Variants in CALN1 observed in about 807,000 individuals in gnomAD.
CALN1 encodes the protein calneuron 1, also known as calcium-binding protein 8.
A neutral mutation model predicts 30.6 loss-of-function variants in CALN1; 17 were observed. The ratio of observed to expected loss-of-function variants is 0.56; its 90% CI spans 0.38 to 0.83. The LOEUF is 0.83. Ranked by LOEUF, CALN1 falls within the 40% of genes least tolerant of loss-of-function variation. CALN1 has a pLI of 0.00. For synonymous variants in CALN1, 156 were observed against 131.4 expected (o/e 1.19, Z -1.28); for missense variants, 291 against 354.9 (o/e 0.82, Z 1.45).
At chr7:72,121,874 A>C (rs1808420786) in intron 3 of CALN1, among the ~76,000 whole-genome samples, 1 of 147,426 alleles carries the variant, frequency 6.8e-6, no homozygotes, top group South Asian at 2.1e-4. Flanking sequence ...ATTATATATT[A>C]ATTATAAATT....
At chr7:72,305,242 G>C (rs957277714) in intron 2 of CALN1, among the ~76,000 whole-genome samples, 1 of 152,210 alleles carries the variant, frequency 6.6e-6, no homozygotes, top group African/African-American at 2.4e-5. Context: ...CGCTCCTGCT[G>C]GAAGAAATCC....
At chr7:71,801,975 C>T (rs577123096) in intron 6 of CALN1, among the ~76,000 whole-genome samples, 1 of 150,458 alleles carries the variant, frequency 6.6e-6, no homozygotes, top group East Asian at 1.9e-4. Context: ...AAGACTGTGT[C>T]CAAAAAAAAA....
intron 2 of CALN1, among the ~76,000 whole-genome samples, chr7:72,364,497 TAAGGA>T (rs1014474666): frequency 1.3e-5 from 2 of 152,202 alleles, no homozygotes; most frequent in Admixed American, 6.5e-5. Flanking sequence ...GGAAGCTTCA[TAAGGA>T]AAGGAGTTTT....
chr7:72,504,023 G>GA, the CALN1 span, among the ~76,000 whole-genome samples: 3 of 152,216 alleles, frequency 2.0e-5, no homozygotes, highest in Non-Finnish European at 2.9e-5. Context: ...GGGAGAGAGA[G>GA]GAAAATAACG....
intron 4 of CALN1, among the ~76,000 whole-genome samples, chr7:72,095,374 T>C (rs931607189): frequency 6.6e-6 from 1 of 152,180 alleles, no homozygotes; most frequent in African/African-American, 2.4e-5. Context: ...TATCATTAAT[T>C]ACCCAGTTAA....
intron 1 of CALN1, among the ~76,000 whole-genome samples, chr7:72,405,779 A>T (rs1806654818): frequency 6.6e-6 from 1 of 152,170 alleles, no homozygotes; most frequent in Non-Finnish European, 1.5e-5. Flanking sequence ...AGTCCCCAGC[A>T]CCATGGAAGT....
intron 2 of CALN1, among the ~76,000 whole-genome samples, chr7:72,313,716 A>G (rs1411481388): frequency 6.7e-6 from 1 of 150,182 alleles, no homozygotes; most frequent in African/African-American, 2.4e-5. Context: ...AAATTTAATG[A>G]TGGGACTATA....
At chr7:72,288,980 T>C (rs1425393184) in intron 2 of CALN1, among the ~76,000 whole-genome samples, 2 of 152,222 alleles carry the variant, frequency 1.3e-5, no homozygotes, top group African/African-American at 4.8e-5. Context: ...CAATGAAGTG[T>C]AAATGTAAAT....
At chr7:72,268,470 T>C (rs1361051800) in intron 3 of CALN1, among the ~76,000 whole-genome samples, 2 of 152,206 alleles carry the variant, frequency 1.3e-5, no homozygotes, top group African/African-American at 4.8e-5. Context: ...GCTATAATGG[T>C]TGACAATTTT....
intron 5 of CALN1, among the ~76,000 whole-genome samples, chr7:71,958,852 C>A (rs1355334770): frequency 6.6e-6 from 1 of 152,182 alleles, no homozygotes; most frequent in Admixed American, 6.5e-5. Flanking sequence ...CCTTAACAGA[C>A]TGAGTCTCCC....
intron 4 of CALN1, among the ~76,000 whole-genome samples, chr7:72,077,800 C>G (rs1198695087): frequency 6.6e-6 from 1 of 152,208 alleles, no homozygotes; most frequent in Non-Finnish European, 1.5e-5. Context: ...GAGAGGCAGT[C>G]AGCAAACCAA....
intron 2 of CALN1, among the ~76,000 whole-genome samples, chr7:72,361,984 G>A (rs1029303965): frequency 1.2e-4 from 18 of 151,410 alleles, no homozygotes; most frequent in African/African-American, 9.7e-5. Flanking sequence ...TTTTTAATGC[G>A]AGTTCTAGAT....
At chr7:72,445,717 C>T (rs1392554796) in intron 1 of CALN1, among the ~76,000 whole-genome samples, 1 of 152,138 alleles carries the variant, frequency 6.6e-6, no homozygotes, top group African/African-American at 2.4e-5. Flanking sequence ...ATGCATTGCA[C>T]CCCCAGTGTC....
intron 5 of CALN1, among the ~76,000 whole-genome samples, chr7:71,930,971 CA>C (rs1374395837): frequency 6.6e-6 from 1 of 152,136 alleles, no homozygotes; most frequent in Non-Finnish European, 1.5e-5. Context: ...CAGAGGTCTG[CA>C]AACTTTTTTT....
chr7:72,118,543 T>C (rs1015968816), intron 3 of CALN1, among the ~76,000 whole-genome samples: 39 of 152,238 alleles, frequency 2.6e-4, no homozygotes, highest in African/African-American at 8.7e-4. Context: ...GAATCGATTT[T>C]AGCATGCCAG....
At chr7:71,807,714 G>A (rs1484584553) in intron 6 of CALN1, among the ~76,000 whole-genome samples, 2 of 151,768 alleles carry the variant, frequency 1.3e-5, no homozygotes, top group East Asian at 3.9e-4. Flanking sequence ...CTGAGGAGGG[G>A]GAATCACTTG....
At chr7:72,427,750 G>T (rs1186559670) in intron 1 of CALN1, among the ~76,000 whole-genome samples, 1 of 151,884 alleles carries the variant, frequency 6.6e-6, no homozygotes, top group African/African-American at 2.4e-5. Flanking sequence ...TGACGTGCTG[G>T]GGTTACAGGT....
intron 5 of CALN1, among the ~76,000 whole-genome samples, chr7:72,015,986 C>T (rs562503932): frequency 1.8e-4 from 28 of 152,230 alleles, no homozygotes; most frequent in Non-Finnish European, 3.5e-4. Context: ...CGGTGGCTCA[C>T]ACCTGTAATC....
intron 1 of CALN1, among the ~76,000 whole-genome samples, chr7:72,411,315 C>G (rs886811760): frequency 6.6e-6 from 1 of 151,896 alleles, no homozygotes; most frequent in Non-Finnish European, 1.5e-5. Context: ...GAGCTTTCCA[C>G]GTGAGACCTA....
Sources: gnomAD v4.1 joint callset for allele counts (sites outside exome capture counted in the v4.1 genomes callset) on GRCh38, gnomAD v4.1.1 for gene constraint, MANE v1.5 for transcripts, NCBI Gene and HGNC (gene_info 2026-07-23, HGNC 2026-07-21) for gene names.